Variants in MCTP2 observed in about 807,000 individuals in gnomAD.
MCTP2 encodes multiple C2 and transmembrane domain containing 2, also known as multiple C2 and transmembrane domain-containing protein 2.
In MCTP2, 132 loss-of-function variants were observed where a neutral mutation model predicts 111.6. That is an observed-to-expected ratio of 1.18 (90% CI 1.03 to 1.37). The LOEUF (loss-of-function observed/expected upper bound fraction) is 1.37. Among genes scored for constraint, MCTP2 ranks in the 40% most tolerant of loss-of-function variants. The pLI, the probability that MCTP2 is intolerant of heterozygous loss-of-function variation, is 0.00. For missense variants in MCTP2, 1,183 were observed against 1,067.9 expected (o/e 1.11, Z -1.50); for synonymous variants, 395 against 387.7 (o/e 1.02, Z -0.22).
chr15:94,315,524 T>G lies in MCTP2; in HGVS notation c.529-5T>G. On this transcript the variant is annotated splice_region_variant and splice_polypyrimidine_tract_variant and intron_variant, in intron 3 of 22. Coordinates refer to ENST00000357742, the MANE Select transcript of MCTP2 (RefSeq NM_001385001.1). ...CTGTCTTAACTGCCTTCTCCATCTG[T>G]GCAGGTACCGGGGGAAGCCAGTGAT... The G allele has an allele frequency of 6.2e-7, 1 of 1,609,872 alleles. No individual in the cohort carries two copies. The highest frequency in any genetic ancestry group is 2.2e-5 in the East Asian group (1 of 44,816).
At chr15:94,375,066 A>G in intron 12 of MCTP2, among the ~76,000 whole-genome samples, 1 of 152,178 alleles carries the variant, frequency 6.6e-6, no homozygotes, top group East Asian at 1.9e-4. Flanking sequence ...AAGAAGCATG[A>G]CAGCTTCTGC....
At chr15:94,319,728 G>C (rs549440269) in intron 4 of MCTP2, among the ~76,000 whole-genome samples, 6 of 152,118 alleles carry the variant, frequency 3.9e-5, no homozygotes, top group African/African-American at 1.4e-4. Context: ...CCTGTTTGCT[G>C]TCTGTCATTG....
chr15:94,450,025 G>T (rs293578), intron 19 of MCTP2, among the ~76,000 whole-genome samples: 3 of 151,658 alleles, frequency 2.0e-5, no homozygotes, highest in African/African-American at 7.3e-5. Context: ...GTTGTATTTT[G>T]TGAGTATCTT....
At chr15:94,252,986 G>A (rs1196731859) in intron 1 of MCTP2, among the ~76,000 whole-genome samples, 1 of 151,982 alleles carries the variant, frequency 6.6e-6, no homozygotes, top group East Asian at 1.9e-4. Flanking sequence ...TGGCTTCTGT[G>A]TCCCCGAGGT....
chr15:94,231,367 G>C (rs1473721211), upstream of MCTP2, among the ~76,000 whole-genome samples: 2 of 152,254 alleles, frequency 1.3e-5, no homozygotes, highest in Admixed American at 6.5e-5. Context: ...CGCCCAGCCA[G>C]TGCCCAGCAC....
chr15:94,342,217 T>A (rs1278955622), intron 7 of MCTP2: 4 of 152,216 alleles, frequency 2.6e-5, no homozygotes, highest in Non-Finnish European at 5.9e-5. Context: ...TATAGCATAT[T>A]AGATTATGTT....
chr15:94,276,866 T>C (rs1260321721), intron 1 of MCTP2, among the ~76,000 whole-genome samples: 1 of 146,956 alleles, frequency 6.8e-6, no homozygotes, highest in African/African-American at 2.5e-5. Context: ...AAAAGAGATA[T>C]GTTCTTAGCC....
At chr15:94,363,022 C>T (rs907503874) in intron 10 of MCTP2, among the ~76,000 whole-genome samples, 1 of 152,116 alleles carries the variant, frequency 6.6e-6, no homozygotes, top group Non-Finnish European at 1.5e-5. Context: ...ATCTAAGAGG[C>T]ACCTAGTAAA....
chr15:94,329,104 C>A (rs546093064), intron 4 of MCTP2, among the ~76,000 whole-genome samples: 2 of 152,228 alleles, frequency 1.3e-5, no homozygotes, highest in East Asian at 3.9e-4. Context: ...AACACTGCAC[C>A]ACAGTGGTTG....
rs1334743108 is a variant in MCTP2 at position 94,370,080 on chromosome 15, C to A, written c.1489-7C>A. The A allele has an allele frequency of 6.2e-7, 1 of 1,602,066 alleles. No homozygotes were observed. The highest frequency in any genetic ancestry group is 8.5e-7 in the Non-Finnish European group (1 of 1,174,898). ...GTTTTCACTTGTATCACCTTTTCAA[C>A]CCTCAGTGCTTACAGAACTCCCTGA... On this transcript the variant is annotated splice_polypyrimidine_tract_variant and splice_region_variant and intron_variant, in intron 11 of 22. Transcript: ENST00000357742.
intron 4 of MCTP2, among the ~76,000 whole-genome samples, chr15:94,338,943 C>A (rs576894184): frequency 5.5e-4 from 84 of 152,266 alleles, no homozygotes; most frequent in African/African-American, 1.9e-3. Flanking sequence ...TGACTTGCTG[C>A]AGTTCCTAGG....
rs546161307 is a variant in MCTP2, at chr15:94,250,497, A to G, written c.-66+18833A>G. On this transcript the variant is annotated intron_variant, in intron 1 of 22. Coordinates refer to ENST00000357742, the MANE Select transcript of MCTP2 (RefSeq NM_001385001.1). Reference sequence around the variant, plus strand: ...TTTCTCTAATATACTCTAAATCTAAAAACACATTAAGGCAAAGCACCTGGC... The same window carrying G: ...TTTCTCTAATATACTCTAAATCTAAGAACACATTAAGGCAAAGCACCTGGC... Among the ~76,000 whole-genome samples, 7 of 152,328 alleles carry G rather than the reference A, an allele frequency of 4.6e-5. No homozygotes were observed. The South Asian group carries it at 1.4e-3, about 32-fold the overall frequency.
intron 14 of MCTP2, among the ~76,000 whole-genome samples, chr15:94,395,112 T>G (rs2081213667): frequency 1.3e-5 from 2 of 152,186 alleles, no homozygotes; most frequent in African/African-American, 4.8e-5. Context: ...GACAAGAATG[T>G]GAATGGATAC....
At chr15:94,251,344 A>G (rs1169025405) in intron 1 of MCTP2, among the ~76,000 whole-genome samples, 4 of 149,610 alleles carry the variant, frequency 2.7e-5, no homozygotes, top group Non-Finnish European at 4.4e-5. Flanking sequence ...TAAAATACAC[A>G]TAACCTAATA....
chr15:94,311,904 T>G (rs762715422), intron 2 of MCTP2, among the ~76,000 whole-genome samples: 22 of 152,220 alleles, frequency 1.4e-4, no homozygotes, highest in Non-Finnish European at 2.9e-4. Context: ...TGGTCCAGTC[T>G]GAGGGGTGAT....
At position 94,359,752 on chromosome 15, in the gene MCTP2, T is replaced by C. The variant is rs561346872; in HGVS notation, c.1301+1140T>C. On this transcript the variant is annotated intron_variant, in intron 10 of 22. Transcript: ENST00000357742. ...AATTTTTTTTCATCAGTAAGGTGTT[T>C]AGAGGCATAAACAGATTGAGACCCA... 1.1e-3 allele frequency among the ~76,000 whole-genome samples: 160 copies of C among 152,306 alleles called. 2 individuals are homozygous for C. In the South Asian group the frequency reaches 0.03, roughly 29 times the overall value.
intron 1 of MCTP2, among the ~76,000 whole-genome samples, chr15:94,284,484 C>G (rs2074656360): frequency 6.6e-6 from 1 of 152,152 alleles, no homozygotes; most frequent in African/African-American, 2.4e-5. Context: ...CAATCCTATA[C>G]AACTCTTAAA....
chr15:94,279,964 G>A (rs1447539391), intron 1 of MCTP2, among the ~76,000 whole-genome samples: 2 of 152,066 alleles, frequency 1.3e-5, no homozygotes, highest in African/African-American at 4.8e-5. Context: ...CTATATCATG[G>A]TGGCTTAGCT....
At chr15:94,287,419 CA>C (rs1449986332) in intron 1 of MCTP2, among the ~76,000 whole-genome samples, 1 of 151,990 alleles carries the variant, frequency 6.6e-6, no homozygotes, top group Non-Finnish European at 1.5e-5. Context: ...CAAAAGAGTC[CA>C]GGGGTGTATT....
Sources: gnomAD v4.1 joint callset for allele counts (sites outside exome capture counted in the v4.1 genomes callset) on GRCh38, gnomAD v4.1.1 for gene constraint, MANE v1.5 for transcripts, NCBI Gene and HGNC (gene_info 2026-07-23, HGNC 2026-07-21) for gene names.